HACE1: variants seen among roughly 807,000 people sequenced by gnomAD.
HACE1 encodes the protein E3 ubiquitin-protein ligase HACE1.
In HACE1, 73 loss-of-function variants were observed where a neutral mutation model predicts 118.4. The ratio of observed to expected loss-of-function variants is 0.62; its 90% CI spans 0.51 to 0.75. HACE1 has a LOEUF of 0.75. HACE1 is among the 30% of genes least tolerant of loss of function. The pLI is 0.00. For missense variants in HACE1, 749 were observed against 1,102.2 expected (o/e 0.68, Z 4.54); for synonymous variants, 368 against 374.8 (o/e 0.98, Z 0.21).
intron 19 of HACE1, among the ~76,000 whole-genome samples, chr6:104,756,427 ATATAT>A (rs1290545448): frequency 1.4e-4 from 13 of 90,334 alleles, no homozygotes; most frequent in African/African-American, 4.8e-4. Context: ...AAAAAAAAAA[ATATAT>A]ATATATATAT....
intron 7 of HACE1, among the ~76,000 whole-genome samples, chr6:104,803,753 A>G (rs971905291): frequency 1.3e-5 from 2 of 152,192 alleles, no homozygotes; most frequent in African/African-American, 2.4e-5. Flanking sequence ...CCCACAGCCA[A>G]TATCATACTG....
intron 14 of HACE1, 43 bp downstream of exon 14, chr6:104,784,043 T>G: frequency 4.2e-6 from 4 of 960,668 alleles, no homozygotes; most frequent in Non-Finnish European, 6.8e-6. Context: ...TTTTAGAAAT[T>G]AATTTCATTA....
intron 22 of HACE1, among the ~76,000 whole-genome samples, chr6:104,736,834 TA>T (rs943923461): frequency 1.3e-5 from 2 of 152,080 alleles, no homozygotes; most frequent in African/African-American, 4.8e-5. Flanking sequence ...AACTATACAG[TA>T]AAAAGACTAA....
rs1024681161 is a variant in HACE1, at chr6:104,780,311, C to G, written c.1567-2994G>C. Reference sequence around the variant, plus strand: ...ACACACACACATACAAACACCTACACAGCCAAATGGTACATTTTTGTATGT... The same window carrying G: ...ACACACACACATACAAACACCTACAGAGCCAAATGGTACATTTTTGTATGT... On this transcript the variant is annotated intron_variant, in intron 14 of 23. Transcript: ENST00000262903. 6.1e-5 allele frequency: 27 copies of G among 443,086 alleles called. No individual in the cohort carries two copies. In the Admixed American group the frequency reaches 6.9e-4, roughly 11 times the overall value. 27.4% of individuals were successfully genotyped at this position (443,086 alleles called of 1,614,324 possible).
intron 20 of HACE1, among the ~76,000 whole-genome samples, chr6:104,748,178 T>C (rs1777640524): frequency 6.6e-6 from 1 of 151,966 alleles, no homozygotes; most frequent in African/African-American, 2.4e-5. Flanking sequence ...TAGAAAATAT[T>C]CATAATACAT....
rs1237221071 is a variant in HACE1, at chr6:104,786,260, G to A, written c.1075-941C>T. The A allele has an allele frequency of 3.3e-5, 5 of 149,788 alleles. 1 individual carries two copies. The highest frequency in any genetic ancestry group is 5.9e-5 in the Non-Finnish European group (4 of 67,882). 9.3% of individuals were successfully genotyped at this position (149,788 alleles called of 1,614,324 possible). On this transcript the variant is annotated intron_variant, in intron 11 of 23. Transcript: ENST00000262903. ...GGAGGCTGAGGCAGGACGATCACTT[G>A]AACCCAGGAGGCAGAGGTTGCAGTG...
At chr6:104,730,846 A>T in intron 22 of HACE1, 1 of 162,784 alleles carries the variant, frequency 6.1e-6, no homozygotes, top group Non-Finnish European at 1.4e-5. Flanking sequence ...TCGATTGACT[A>T]ATTCAAGCAA....
intron 22 of HACE1, chr6:104,730,664 C>T (rs60807681): frequency 0.013 from 6,059 of 462,052 alleles, 297 homozygotes; most frequent in African/African-American, 0.11. Flanking sequence ...CAGCACATAC[C>T]TCAATATTGC....
intron 14 of HACE1, among the ~76,000 whole-genome samples, chr6:104,780,045 AT>A (rs1781564820): frequency 6.6e-6 from 1 of 152,118 alleles, no homozygotes; most frequent in South Asian, 2.1e-4. Flanking sequence ...TAATGCTCTA[AT>A]ACTCAATACC....
At position 104,744,208 on chromosome 6, in the gene HACE1, T is replaced by TG. The variant is rs768067874; in HGVS notation, c.2464_2465insC (p.Asp822AlafsTer27). 3.1e-6 allele frequency: 5 copies of TG among 1,602,906 alleles called. No individual in the cohort carries two copies. Among genetic ancestry groups the TG allele is most frequent in the African/African-American group, 1.4e-5 (1 of 72,626 alleles). On this transcript the variant is annotated frameshift_variant, in exon 22 of 24. Transcript: ENST00000262903. LOFTEE classifies it high-confidence loss of function. ...AAGAACTCTCTCCTCTTGAGTAATG[T>TG]CTTCTACAACTTCCCAGAACCACTA...
chr6:104,744,044 A>G (rs1448298007), intron 22 of HACE1, 116 bp downstream of exon 22: 4 of 721,240 alleles, frequency 5.5e-6, no homozygotes, highest in Non-Finnish European at 1.0e-5. Flanking sequence ...AAACAGTGGA[A>G]AGGGTGGTAA....
chr6:104,855,862 GT>G, intron 1 of HACE1, among the ~76,000 whole-genome samples: 1 of 152,186 alleles, frequency 6.6e-6, no homozygotes, highest in Non-Finnish European at 1.5e-5. Flanking sequence ...ATAATTTTAA[GT>G]GAGCGTTAGT....
chr6:104,783,197 T>C (rs899996240), intron 14 of HACE1, among the ~76,000 whole-genome samples: 3 of 152,252 alleles, frequency 2.0e-5, no homozygotes, highest in African/African-American at 7.2e-5. Context: ...AAATGTTGCA[T>C]ATTTTTTCAA....
chr6:104,836,796 T>C (rs1774583703), intron 5 of HACE1, among the ~76,000 whole-genome samples: 1 of 151,772 alleles, frequency 6.6e-6, no homozygotes, highest in Non-Finnish European at 1.5e-5. Context: ...TTGCCCAAAG[T>C]CCCCCAGAAC....
At position 104,729,644 on chromosome 6, in the gene HACE1, G is replaced by C. The variant is rs750344933; in HGVS notation, c.*18C>G. On this transcript the variant is annotated 3_prime_UTR_variant, in exon 24 of 24. Coordinates refer to ENST00000262903, the MANE Select transcript of HACE1 (RefSeq NM_020771.4). ...TCTGAATTGTGCATCAGTAGTCAGAGGAGTTTTCCAGACTTCATTATGCCA... is the reference window on the plus strand; with the variant it reads ...TCTGAATTGTGCATCAGTAGTCAGACGAGTTTTCCAGACTTCATTATGCCA... The C allele has an allele frequency of 8.9e-7, 1 of 1,125,126 alleles. No individual in the cohort carries two copies. The highest frequency in any genetic ancestry group is 1.4e-6 in the Non-Finnish European group (1 of 733,398). The allele number at this position is 1,125,126 out of a possible 1,614,324, so 69.7% of individuals were successfully genotyped here. A position where few individuals can be genotyped will look rare whatever the true frequency, so the allele number is the denominator to read the frequency against.
At position 104,729,750 on chromosome 6, in the gene HACE1, T is replaced by A; in HGVS notation, c.2642A>T (p.Lys881Met). 6.7e-7 allele frequency: 1 copy of A among 1,488,398 alleles called. No homozygotes were observed. Among genetic ancestry groups the A allele is most frequent in the Non-Finnish European group, 9.4e-7 (1 of 1,066,178 alleles). 92.2% of individuals were successfully genotyped at this position (1,488,398 alleles called of 1,614,324 possible). The part of the protein sequence containing the change: ...PTSSTCINML[K>M]LPEYPSKEIL... ...TTCTTTACTTGGGTATTCAGGTAACTTGAGCATGTTGATGCTTTAAAAGAA... is the reference window on the plus strand; with the variant it reads ...TTCTTTACTTGGGTATTCAGGTAACATGAGCATGTTGATGCTTTAAAAGAA... The change falls in exon 24 of 24, where the codon AAG (lysine) becomes ATG (methionine). Residue 881 changes from lysine to methionine, a missense_variant. Coordinates refer to ENST00000262903, the MANE Select transcript of HACE1 (RefSeq NM_020771.4).
intron 22 of HACE1, among the ~76,000 whole-genome samples, chr6:104,733,691 A>C (rs1397761787): frequency 6.6e-6 from 1 of 151,888 alleles, no homozygotes; most frequent in Non-Finnish European, 1.5e-5. Flanking sequence ...TCTACTAAAA[A>C]TACAAAAATT....
chr6:104,780,251 A>G, intron 14 of HACE1: 1 of 318,546 alleles, frequency 3.1e-6, no homozygotes, highest in Non-Finnish European at 6.1e-6. Context: ...ATTAAAAGGT[A>G]CAAACTGCTA....
intron 5 of HACE1, chr6:104,842,477 T>G (rs1775215294): frequency 6.6e-6 from 1 of 151,800 alleles, no homozygotes; most frequent in Non-Finnish European, 1.5e-5. Flanking sequence ...TTAACCGTGA[T>G]TATCTCAGAG....
Sources: gnomAD v4.1 joint callset for allele counts (sites outside exome capture counted in the v4.1 genomes callset) on GRCh38, gnomAD v4.1.1 for gene constraint, MANE v1.5 for transcripts, NCBI Gene and HGNC (gene_info 2026-07-23, HGNC 2026-07-21) for gene names.